IL13RA1: variants seen among roughly 807,000 people sequenced by gnomAD.
IL13RA1 encodes the protein interleukin 13 receptor subunit alpha 1.
Under a neutral mutation model 33.8 loss-of-function variants are expected in IL13RA1, and 14 were observed. The observed-to-expected ratio is 0.41, with a 90% CI of 0.27 to 0.65. The LOEUF (loss-of-function observed/expected upper bound fraction) is 0.65, where lower values mean the gene tolerates loss of function less well. Among genes scored for constraint, IL13RA1 ranks in the 30% least tolerant of loss-of-function variants. The probability of loss-of-function intolerance (pLI) is 0.28; values close to 1 mark genes in which losing one functional copy is unlikely to be tolerated. For missense variants in IL13RA1, 313 were observed against 327.0 expected, an observed-to-expected ratio of 0.96 and a Z score of 0.33; for synonymous variants, 116 against 115.7, an observed-to-expected ratio of 1.00 and a Z score of -0.02.
At chrX:118,729,474 C>G (rs897439155) in intron 1 of IL13RA1, among the ~76,000 whole-genome samples, 1 of 111,838 alleles carries the variant, frequency 8.9e-6, no homozygotes. Context: ...TGGTCATTTC[C>G]TCTCTTTTGT....
the IL13RA1 span, among the ~76,000 whole-genome samples, chrX:118,802,837 A>C: frequency 8.9e-6 from 1 of 112,073 alleles, no homozygotes; most frequent in South Asian, 3.7e-4. Context: ...AGGGAGACAA[A>C]GATAGCTCTA....
At chrX:118,756,230 C>A (rs997726925) in intron 4 of IL13RA1, among the ~76,000 whole-genome samples, 1 of 111,228 alleles carries the variant, frequency 9.0e-6, no homozygotes, top group Non-Finnish European at 1.9e-5. Context: ...TCCTTTTCTG[C>A]AAAACCTTTG....
At chrX:118,750,719 A>G (rs1156337490) in intron 4 of IL13RA1, among the ~76,000 whole-genome samples, 1 of 110,679 alleles carries the variant, frequency 9.0e-6, no homozygotes, top group Non-Finnish European at 1.9e-5. Flanking sequence ...AAGTTAGTTC[A>G]CCTTACATTT....
chrX:118,786,749 C>G (rs896261126), intron 10 of IL13RA1, among the ~76,000 whole-genome samples: 1 of 111,675 alleles, frequency 9.0e-6, no homozygotes, highest in Non-Finnish European at 1.9e-5. Flanking sequence ...AATTTGTAAT[C>G]CAGTTTCACC....
chrX:118,748,375 A>AC (rs2017434171), intron 3 of IL13RA1, among the ~76,000 whole-genome samples: 1 of 105,956 alleles, frequency 9.4e-6, no homozygotes, highest in Non-Finnish European at 1.9e-5. Flanking sequence ...AAAAAAAAAA[A>AC]AAAAACGGCT....
intron 10 of IL13RA1, among the ~76,000 whole-genome samples, chrX:118,785,959 CT>C (rs1307089749): frequency 4.5e-5 from 5 of 111,526 alleles, no homozygotes; most frequent in East Asian, 2.8e-4. Context: ...ACATTGATTA[CT>C]TTTTTTATAT....
At chrX:118,800,327 C>T in the IL13RA1 span, among the ~76,000 whole-genome samples, 194 of 110,740 alleles carry the variant, frequency 1.8e-3, 5 homozygotes, top group South Asian at 0.039. Flanking sequence ...ACTGCTCACT[C>T]TTTGGGTCCA....
In IL13RA1 at chrX:118,766,513, T is replaced by A. The variant is rs2017650552; in HGVS notation, c.829-17T>A. 1.1e-6 allele frequency: 1 copy of A among 871,180 alleles called. No individual in the cohort carries two copies. Among genetic ancestry groups the A allele is most frequent in the Non-Finnish European group, 1.7e-6 (1 of 589,203 alleles). 71.8% of individuals were successfully genotyped at this position (871,180 alleles called of 1,213,427 possible). ...ATTTAGGACTCATTAGTTTATTTAT[T>A]TATTTTTATTTTCAAGGTCCAAGAG... On this transcript the variant is annotated splice_polypyrimidine_tract_variant and intron_variant, in intron 6 of 10. Transcript: ENST00000371666.
the IL13RA1 span, among the ~76,000 whole-genome samples, chrX:118,802,217 C>T: frequency 3.6e-5 from 4 of 112,179 alleles, no homozygotes; most frequent in Admixed American, 2.8e-4. Flanking sequence ...ACATCGAGTC[C>T]AGAGGAGGCC....
At chrX:118,802,159 G>A in the IL13RA1 span, among the ~76,000 whole-genome samples, 27 of 111,172 alleles carry the variant, frequency 2.4e-4, no homozygotes, top group Non-Finnish European at 4.0e-4. Flanking sequence ...CCCAAATAAG[G>A]CTGGCCAGTA....
chrX:118,796,880 G>A (rs961565665), downstream of IL13RA1, among the ~76,000 whole-genome samples: 9 of 112,559 alleles, frequency 8.0e-5, no homozygotes, highest in African/African-American at 1.6e-4. Flanking sequence ...ATTTATCTAC[G>A]AGCTAGACAA....
intron 1 of IL13RA1, among the ~76,000 whole-genome samples, chrX:118,735,384 G>C (rs757787437): frequency 6.3e-5 from 7 of 110,283 alleles, no homozygotes. Context: ...TTCTAGTTAC[G>C]CAAGTTGTAA....
intron 1 of IL13RA1, among the ~76,000 whole-genome samples, chrX:118,729,605 C>G (rs1377403025): frequency 8.9e-6 from 1 of 112,442 alleles, no homozygotes; most frequent in Non-Finnish European, 1.9e-5. Flanking sequence ...CTTAGTTTAA[C>G]CTGTCCCACT....
Position 118,773,993 on chromosome X carries a change from G to C in IL13RA1, c.1106+18G>C, listed in dbSNP as rs1158745039. 1.4e-6 allele frequency: 1 copy of C among 715,920 alleles called. No homozygotes were observed. The highest frequency in any genetic ancestry group is 2.2e-6 in the Non-Finnish European group (1 of 448,487). 59.0% of individuals were successfully genotyped at this position (715,920 alleles called of 1,213,427 possible). A position where few individuals can be genotyped will look rare whatever the true frequency, so the allele number is the denominator to read the frequency against. ...CTAAAAAGGTAAGGTAGCTGCCCAG[G>C]CAGGTTTTGCAGTTTCTGATAGCCT... On this transcript the variant is annotated intron_variant, in intron 9 of 10. Transcript: ENST00000371666.
intron 6 of IL13RA1, among the ~76,000 whole-genome samples, chrX:118,765,437 C>CT (rs992697819): frequency 1.5e-4 from 17 of 111,218 alleles, no homozygotes; most frequent in African/African-American, 4.9e-4. Context: ...TGTGTTTGCC[C>CT]TTTTTTTCAC....
chrX:118,800,298 C>G, the IL13RA1 span, among the ~76,000 whole-genome samples: 1 of 110,358 alleles, frequency 9.1e-6, no homozygotes, highest in African/African-American at 3.3e-5. Flanking sequence ...ACTTCTTTCA[C>G]TCTTTGCAAT....
intron 8 of IL13RA1, among the ~76,000 whole-genome samples, chrX:118,767,301 G>A (rs1188355343): frequency 8.9e-6 from 1 of 111,959 alleles, no homozygotes; most frequent in Non-Finnish European, 1.9e-5. Flanking sequence ...AGCACTTTGA[G>A]AGGCTGAGGC....
At chrX:118,796,723 A>G (rs1363584365), downstream of IL13RA1, among the ~76,000 whole-genome samples, 2 of 111,315 alleles carry the variant, frequency 1.8e-5, no homozygotes, top group Non-Finnish European at 3.8e-5. Context: ...TTTAGTAGAG[A>G]TGGGGTTTCT....
At chrX:118,804,860 A>T in the IL13RA1 span, among the ~76,000 whole-genome samples, 1 of 112,255 alleles carries the variant, frequency 8.9e-6, no homozygotes, top group African/African-American at 3.2e-5. Context: ...CTTTGAATAA[A>T]CATAGAAATT....
Sources: gnomAD v4.1 joint callset for allele counts (sites outside exome capture counted in the v4.1 genomes callset) on GRCh38, gnomAD v4.1.1 for gene constraint, MANE v1.5 for transcripts, NCBI Gene and HGNC (gene_info 2026-07-23, HGNC 2026-07-21) for gene names.